Variants in ATAD2 observed in about 807,000 individuals in gnomAD.
ATAD2 encodes the protein ATPase family AAA domain-containing protein 2.
A neutral mutation model predicts 168.9 loss-of-function variants in ATAD2; 62 were observed. The observed-to-expected ratio is 0.37, with a 90% confidence interval of 0.30 to 0.45. The LOEUF is 0.45. ATAD2 is among the 20% of genes least tolerant of loss of function. The pLI is 1.00. For synonymous variants in ATAD2, 613 were observed against 571.6 expected (o/e 1.07, Z -1.03); for missense variants, 1,419 against 1,667.8 (o/e 0.85, Z 2.60).
chr8:123,350,756 G>A (rs184986803), intron 13 of ATAD2, among the ~76,000 whole-genome samples: 6 of 150,948 alleles, frequency 4.0e-5, no homozygotes, highest in Non-Finnish European at 8.9e-5. Flanking sequence ...ACAGAGTCTC[G>A]CTCTGTCTCC....
In ATAD2 at chr8:123,402,457, C is replaced by T. The variant is rs1027208910; in HGVS notation, c.-2281-1282G>A. Among the ~76,000 whole-genome samples the T allele has an allele frequency of 1.3e-5, 2 of 152,158 alleles. No individual in the cohort carries two copies. Among genetic ancestry groups the T allele is most frequent in the African/African-American group, 4.8e-5 (2 of 41,444 alleles). On this transcript the variant is annotated intron_variant, in intron 1 of 28. Transcript: ENST00000521903. This position sits in a 1 kb window ranked among gnomAD's most constrained non-coding sequence, Gnocchi z 4.8. ...GCTTCTCCTGTAGGGCACTTCCCTGCCCCCAGTCCCCCAGGAAATGGTGCT... is the reference window on the plus strand; with the variant it reads ...GCTTCTCCTGTAGGGCACTTCCCTGTCCCCAGTCCCCCAGGAAATGGTGCT...
chr8:123,346,663 G>A lies in ATAD2; in HGVS notation c.2300C>T (p.Ser767Phe), dbSNP rs754461268. 3.2e-6 allele frequency: 5 copies of A among 1,585,520 alleles called. No homozygotes were observed. Among genetic ancestry groups the A allele is most frequent in the Non-Finnish European group, 4.3e-6 (5 of 1,164,408 alleles). ...SVYENGLSQK[S>F]SHKAKDNFNF... ...AAAATTGTCTTTTGCCTTATGAGAAGATTTCTGAGAAAGTCCATTTTCATA... is the reference window on the plus strand; with the variant it reads ...AAAATTGTCTTTTGCCTTATGAGAAAATTTCTGAGAAAGTCCATTTTCATA... Residue 767 changes from serine to phenylalanine, a missense_variant, in exon 17 of 28, where the codon TCT becomes TTT. Ser to Phe is a radical substitution (Grantham distance 155, BLOSUM62 -2). Transcript: ENST00000287394.
At chr8:123,401,025 G>A (rs1812989072), upstream of ATAD2, 1 of 1,556,918 alleles carries the variant, frequency 6.4e-7, no homozygotes, top group Non-Finnish European at 8.8e-7. Context: ...CAGGCACCAT[G>A]GGCAGCAAGC....
intron 12 of ATAD2, among the ~76,000 whole-genome samples, chr8:123,357,248 C>CT (rs1443738799): frequency 6.6e-6 from 1 of 152,178 alleles, no homozygotes; most frequent in African/African-American, 2.4e-5. Context: ...CAGAAATAGT[C>CT]TTTAACTCCC....
chr8:123,395,260 C>A (rs1044041965), intron 1 of ATAD2, among the ~76,000 whole-genome samples: 10 of 152,210 alleles, frequency 6.6e-5, no homozygotes, highest in African/African-American at 2.2e-4. Flanking sequence ...ACTTCTTCAA[C>A]CTTCTGTGAA....
chr8:123,330,259 G>A (rs796441763), intron 24 of ATAD2, among the ~76,000 whole-genome samples: 1 of 152,052 alleles, frequency 6.6e-6, no homozygotes, highest in Non-Finnish European at 1.5e-5. Flanking sequence ...CAAAGTGCTG[G>A]GATTACAGAC....
At chr8:123,354,837 C>CAAAAAA (rs71310668) in intron 13 of ATAD2, among the ~76,000 whole-genome samples, 3 of 22,788 alleles carry the variant, frequency 1.3e-4, no homozygotes, top group African/African-American at 6.0e-4. Flanking sequence ...GACTCTGTCT[C>CAAAAAA]AAAAAAAAAA....
At chr8:123,393,539 A>C (rs1052670498) in intron 1 of ATAD2, among the ~76,000 whole-genome samples, 1 of 151,724 alleles carries the variant, frequency 6.6e-6, no homozygotes, top group African/African-American at 2.4e-5. Context: ...AATAAAGAGA[A>C]CTGACTGTTG....
chr8:123,359,510 T>C, intron 10 of ATAD2, 67 bp downstream of exon 10: 1 of 1,448,246 alleles, frequency 6.9e-7, no homozygotes, highest in Non-Finnish European at 9.5e-7. Flanking sequence ...TGGTTCCTTT[T>C]TTTAACTTTA....
At chr8:123,401,174 T>A, upstream of ATAD2, 1 of 986,294 alleles carries the variant, frequency 1.0e-6, no homozygotes, top group Non-Finnish European at 1.6e-6. Flanking sequence ...GCAAATGAGA[T>A]CCTGCAGCAA....
chr8:123,328,349 G>C lies in ATAD2; in HGVS notation c.3709C>G (p.Leu1237Val). 6.2e-7 allele frequency: 1 copy of C among 1,605,476 alleles called. No individual in the cohort carries two copies. The highest frequency in any genetic ancestry group is 8.5e-7 in the Non-Finnish European group (1 of 1,177,358). ...EKQQNASESK[L>V]ELRNNSNTCN... ...GTATTTGAATTATTTCTCAATTCCA[G>C]TTTGCTTTCAGAGGCATTTTGCTGT... Residue 1237 changes from leucine to valine, a missense_variant, in exon 25 of 28, where the codon CTG becomes GTG. Leu to Val is a conservative substitution (Grantham distance 32). Coordinates refer to ENST00000287394, the MANE Select transcript of ATAD2 (RefSeq NM_014109.4).
intron 1 of ATAD2, among the ~76,000 whole-genome samples, chr8:123,409,981 T>TA (rs751321414): frequency 1.1e-4 from 16 of 144,590 alleles, no homozygotes; most frequent in Non-Finnish European, 2.3e-4. Context: ...ATCCTTCCAA[T>TA]AAAAAAAGCT....
chr8:123,333,187 G>A (rs1827821955), intron 24 of ATAD2, among the ~76,000 whole-genome samples: 1 of 121,890 alleles, frequency 8.2e-6, no homozygotes, highest in Non-Finnish European at 1.6e-5. Context: ...AGGAGATCGA[G>A]ACCATCCTGG....
At chr8:123,360,814 A>G (rs1476030282) in intron 9 of ATAD2, among the ~76,000 whole-genome samples, 1 of 152,120 alleles carries the variant, frequency 6.6e-6, no homozygotes, top group African/African-American at 2.4e-5. Flanking sequence ...TCTCCCTTAA[A>G]TATTTATTGG....
At chr8:123,410,436 G>A (rs1382980491) in intron 1 of ATAD2, among the ~76,000 whole-genome samples, 5 of 152,158 alleles carry the variant, frequency 3.3e-5, no homozygotes, top group East Asian at 1.9e-4. Context: ...ACGGGCATGC[G>A]CCATCACACC....
In ATAD2 at chr8:123,345,156, C is replaced by T. The variant is rs369063556; in HGVS notation, c.2533-87G>A. 46 of 1,251,428 alleles carry T rather than the reference C, an allele frequency of 3.7e-5. No homozygotes were observed. In the African/African-American group the frequency reaches 3.9e-4, roughly 11 times the overall value. The allele number at this position is 1,251,428 out of a possible 1,614,324, so 77.5% of individuals were successfully genotyped here. ...TTAGTCTGAAACAATGTTTAACCTC[C>T]CAGGAGTAACATATAAAGTCCTCAA... On this transcript the variant is annotated intron_variant, in intron 18 of 27. Coordinates refer to ENST00000287394, the MANE Select transcript of ATAD2 (RefSeq NM_014109.4).
intron 7 of ATAD2, 42 bp from the exon 8 acceptor site, chr8:123,369,217 A>ATG (rs1250502439): frequency 4.1e-6 from 3 of 726,550 alleles, no homozygotes; most frequent in Non-Finnish European, 5.5e-6. Flanking sequence ...ATATATATAT[A>ATG]TATATGGCAT....
At chr8:123,343,494 G>A (rs978694740) in intron 19 of ATAD2, among the ~76,000 whole-genome samples, 2 of 152,004 alleles carry the variant, frequency 1.3e-5, no homozygotes, top group African/African-American at 4.8e-5. Flanking sequence ...CCAGTGCCTA[G>A]AACCACACCT....
At position 123,349,416 on chromosome 8, in the gene ATAD2, T is replaced by A. The variant is rs1828374480; in HGVS notation, c.1675A>T (p.Met559Leu). ...SSIVSTLLAL[M>L]DGLDSRGEIV... The stretch of plus-strand genomic sequence containing the variant: ...TCCCCTCTGCTGTCCAATCCATCCA[T>A]AAGAGCTAGCAGGGTGGAAACAATA... The change falls in exon 14 of 28, where the codon ATG becomes TTG. Residue 559 changes from methionine to leucine, a missense_variant. This residue lies in a region of ATAD2 where 545 missense variants were observed against 724.9 expected (regional missense o/e 0.75). Transcript: ENST00000287394. 1 of 1,613,780 alleles carries A rather than the reference T, an allele frequency of 6.2e-7. No individual in the cohort carries two copies. The highest frequency in any genetic ancestry group is 8.5e-7 in the Non-Finnish European group (1 of 1,179,932).
Sources: gnomAD v4.1 joint callset for allele counts (sites outside exome capture counted in the v4.1 genomes callset) on GRCh38, gnomAD v4.1.1 for gene constraint, gnomAD v4.1.1 regional missense constraint, Gnocchi (gnomAD v3.1) non-coding constraint, MANE v1.5 for transcripts, NCBI Gene and HGNC (gene_info 2026-07-23, HGNC 2026-07-21) for gene names.